RANBP2: variants seen among roughly 807,000 people sequenced by gnomAD.
RANBP2 encodes the protein RAN binding protein 2.
A neutral mutation model predicts 303.6 loss-of-function variants in RANBP2; 57 were observed. The ratio of observed to expected loss-of-function variants is 0.19; its 90% CI spans 0.15 to 0.23. The LOEUF (loss-of-function observed/expected upper bound fraction) is 0.23, where lower values mean the gene tolerates loss of function less well. RANBP2 is among the 10% of genes least tolerant of loss of function. RANBP2 has a pLI of 1.00. For missense variants in RANBP2, 3,138 were observed against 3,780.8 expected (o/e 0.83, Z 4.46); for synonymous variants, 1,167 against 1,301.5 (o/e 0.90, Z 2.23).
chr2:109,137,339 A>G, the RANBP2 span, among the ~76,000 whole-genome samples: 1 of 152,200 alleles, frequency 6.6e-6, no homozygotes, highest in Non-Finnish European at 1.5e-5. Context: ...ATGATGAGGC[A>G]GGTCCATCCC....
chr2:109,617,388 G>A, the RANBP2 span: 3 of 166,942 alleles, frequency 1.8e-5, no homozygotes, highest in Non-Finnish European at 2.9e-5. Context: ...TTAAGTACTC[G>A]TTTAAGTATG....
intron 7 of RANBP2, among the ~76,000 whole-genome samples, chr2:108,742,095 C>A (rs889953270): frequency 1.3e-5 from 2 of 151,716 alleles, no homozygotes; most frequent in African/African-American, 2.4e-5. Context: ...TTCCCGGGTT[C>A]AAGCGATTGT....
chr2:109,618,662 T>C, the RANBP2 span: 3 of 166,964 alleles, frequency 1.8e-5, no homozygotes, highest in African/African-American at 7.2e-5. Flanking sequence ...AATTTGATAT[T>C]CATAGAGTTG....
At chr2:109,434,080 G>A in the RANBP2 span, among the ~76,000 whole-genome samples, 3 of 152,340 alleles carry the variant, frequency 2.0e-5, no homozygotes, top group Non-Finnish European at 2.9e-5. Context: ...TGTGCTTGAA[G>A]CCCCTGGCCT....
At chr2:109,335,655 C>G in the RANBP2 span, among the ~76,000 whole-genome samples, 22 of 152,242 alleles carry the variant, frequency 1.4e-4, no homozygotes, top group African/African-American at 5.1e-4. Flanking sequence ...GTTGCTGTCC[C>G]CCTGGCTGGA....
the RANBP2 span, among the ~76,000 whole-genome samples, chr2:108,994,303 C>T: frequency 1.3e-5 from 2 of 152,178 alleles, no homozygotes; most frequent in African/African-American, 2.4e-5. Context: ...TGCCCTCTCC[C>T]GTGGCCTAAG....
chr2:109,426,116 C>T, the RANBP2 span, among the ~76,000 whole-genome samples: 1 of 152,164 alleles, frequency 6.6e-6, no homozygotes, highest in Non-Finnish European at 1.5e-5. Context: ...GCCATGTTGG[C>T]CAGGCTGGTG....
the RANBP2 span, among the ~76,000 whole-genome samples, chr2:108,870,483 A>G: frequency 6.6e-6 from 1 of 152,208 alleles, no homozygotes; most frequent in Non-Finnish European, 1.5e-5. Context: ...TTGAGGAAAG[A>G]CACGGCTCTA....
chr2:109,241,133 T>C, the RANBP2 span, among the ~76,000 whole-genome samples: 1 of 152,226 alleles, frequency 6.6e-6, no homozygotes, highest in Non-Finnish European at 1.5e-5. Context: ...TAATACAAAT[T>C]AGTCGACAGT....
the RANBP2 span, among the ~76,000 whole-genome samples, chr2:109,692,297 G>A: frequency 3.0e-3 from 463 of 152,076 alleles, 2 homozygotes; most frequent in African/African-American, 0.011. Context: ...GGCTGGGGGC[G>A]GTGGGGAGGG....
the RANBP2 span, among the ~76,000 whole-genome samples, chr2:108,803,067 A>G: frequency 6.6e-6 from 1 of 152,236 alleles, no homozygotes; most frequent in Non-Finnish European, 1.5e-5. Flanking sequence ...CTTGGGTAAC[A>G]GTTTAAAATC....
At chr2:109,047,532 G>A in the RANBP2 span, among the ~76,000 whole-genome samples, 1 of 152,070 alleles carries the variant, frequency 6.6e-6, no homozygotes, top group Non-Finnish European at 1.5e-5. Context: ...AAGTGGACCG[G>A]GCACGTTGGC....
At chr2:109,288,995 C>A in the RANBP2 span, among the ~76,000 whole-genome samples, 1 of 152,192 alleles carries the variant, frequency 6.6e-6, no homozygotes, top group Non-Finnish European at 1.5e-5. Context: ...AAAAATCATT[C>A]TGGCTGGCAA....
chr2:109,499,473 C>T, the RANBP2 span, among the ~76,000 whole-genome samples: 4 of 152,208 alleles, frequency 2.6e-5, no homozygotes, highest in African/African-American at 9.6e-5. Context: ...CCTTACTGCA[C>T]AATCCTCACC....
chr2:108,800,263 T>G, the RANBP2 span, among the ~76,000 whole-genome samples: 1 of 152,130 alleles, frequency 6.6e-6, no homozygotes, highest in Non-Finnish European at 1.5e-5. Context: ...CCTCACTTTT[T>G]TTGTTGTTGT....
chr2:109,070,398 G>A, the RANBP2 span, among the ~76,000 whole-genome samples: 3 of 152,218 alleles, frequency 2.0e-5, no homozygotes, highest in African/African-American at 7.2e-5. Flanking sequence ...TAGTTTGGAC[G>A]TTTGTCCTCT....
At chr2:108,911,008 C>T in the RANBP2 span, 1 of 1,614,124 alleles carries the variant, frequency 6.2e-7, no homozygotes, top group Non-Finnish European at 8.5e-7. Context: ...TGGCGATGGC[C>T]ATGATGAAGA....
At chr2:109,444,281 A>G in the RANBP2 span, among the ~76,000 whole-genome samples, 1 of 152,208 alleles carries the variant, frequency 6.6e-6, no homozygotes, top group Non-Finnish European at 1.5e-5. Context: ...AATTAAGTTT[A>G]TGTGATGTTG....
At chr2:109,151,014 G>C in the RANBP2 span, among the ~76,000 whole-genome samples, 4 of 152,182 alleles carry the variant, frequency 2.6e-5, no homozygotes, top group South Asian at 2.1e-4. Flanking sequence ...GGTCGACACT[G>C]CTTATGGAGT....
Sources: allele counts gnomAD v4.1 joint callset (sites outside exome capture counted in the v4.1 genomes callset), GRCh38; gene constraint gnomAD v4.1.1; transcripts MANE v1.5; gene names NCBI Gene and HGNC (gene_info 2026-07-23, HGNC 2026-07-21).